Variants in PITPNM2 observed in about 807,000 individuals in gnomAD.
PITPNM2 encodes the protein membrane-associated phosphatidylinositol transfer protein 2.
Under a neutral mutation model 132.2 loss-of-function variants are expected in PITPNM2, and 35 were observed. The observed-to-expected ratio is 0.26, with a 90% confidence interval of 0.20 to 0.35. PITPNM2 has a LOEUF of 0.35. Ranked by LOEUF, PITPNM2 falls within the 10% of genes least tolerant of loss-of-function variation. PITPNM2 has a pLI of 1.00. For synonymous variants in PITPNM2, 738 were observed against 799.2 expected (o/e 0.92, Z 1.29); for missense variants, 1,332 against 1,912.0 (o/e 0.70, Z 5.66).
chr12:122,996,017 G>T (rs1437440615), intron 13 of PITPNM2, among the ~76,000 whole-genome samples: 2 of 152,178 alleles, frequency 1.3e-5, no homozygotes, highest in African/African-American at 4.8e-5. Flanking sequence ...CTGCTCCCCT[G>T]CCCCCATGTA....
intron 2 of PITPNM2, among the ~76,000 whole-genome samples, chr12:123,074,728 C>T (rs137934872): frequency 1.3e-5 from 2 of 152,304 alleles, no homozygotes; most frequent in East Asian, 1.9e-4. Flanking sequence ...GCTGGCGGCC[C>T]TCAGAAGCCC....
rs1258222968 is a variant in PITPNM2 at position 122,995,516 on chromosome 12, G to A, written c.1927C>T (p.Arg643Ter). 1.2e-6 allele frequency: 2 copies of A among 1,612,978 alleles called. No individual in the cohort carries two copies. The highest frequency in any genetic ancestry group is 1.7e-6 in the Non-Finnish European group (2 of 1,180,018). ...SSLESSRHLS[R>*]SNVDIPRSNG... Reference sequence around the variant, plus strand: ...CTGCGGGGGATGTCGACGTTGCTTCGGCTCAGGTGCCGACTGCTCTCCAGG... The same window carrying A: ...CTGCGGGGGATGTCGACGTTGCTTCAGCTCAGGTGCCGACTGCTCTCCAGG... The change falls in exon 14 of 26, where the codon CGA becomes TGA. Residue 643 changes from arginine (R) to a stop codon, truncating the protein, a stop_gained. Transcript: ENST00000320201. LOFTEE classifies it high-confidence loss of function.
chr12:123,104,681 AC>A (rs1475030771), intron 2 of PITPNM2, among the ~76,000 whole-genome samples: 1 of 150,488 alleles, frequency 6.6e-6, no homozygotes, highest in Non-Finnish European at 1.5e-5. Flanking sequence ...AAACAGCCCC[AC>A]CCCTATCTCC....
intron 2 of PITPNM2, among the ~76,000 whole-genome samples, chr12:123,059,932 C>T (rs1264894760): frequency 3.3e-5 from 5 of 152,072 alleles, no homozygotes; most frequent in African/African-American, 1.2e-4. Context: ...CTATATGCCA[C>T]CGAATTGTGC....
intron 1 of PITPNM2, among the ~76,000 whole-genome samples, chr12:123,123,950 A>T (rs930029358): frequency 7.3e-5 from 11 of 150,930 alleles, no homozygotes; most frequent in African/African-American, 2.7e-4. Context: ...AAAAAAAAAA[A>T]TTAAAATTTA....
rs2038328040 is a variant in PITPNM2, at chr12:122,994,386, C to T, written c.2233+415G>A. 6.6e-6 allele frequency among the ~76,000 whole-genome samples: 1 copy of T among 152,184 alleles called. No individual in the cohort carries two copies. Among genetic ancestry groups the T allele is most frequent in the African/African-American group, 2.4e-5 (1 of 41,436 alleles). On this transcript the variant is annotated intron_variant, in intron 15 of 25. Coordinates refer to ENST00000320201, the MANE Select transcript of PITPNM2 (RefSeq NM_020845.3). The surrounding 1 kb of genome is among the most constrained non-coding windows in gnomAD (Gnocchi z 5.4). ...CCTGCCCTGGGTAGACAGAGACGCA[C>T]AGCTGTGGCCCCTCCAGGGCTGGGA...
Position 122,996,498 on chromosome 12 carries a change from C to T in PITPNM2, c.1742G>A (p.Ser581Asn). Reference protein sequence around the residue: ...LCYSNQPVSESQSSSRRGSVV... With the variant: ...LCYSNQPVSENQSSSRRGSVV... ...GCTGCCCCGGCGGCTGCTGCTCTGA[C>T]TCTCAGACACCGGCTGGTTACTGTA... The change falls in exon 13 of 26, where the codon AGT becomes AAT. Residue 581 changes from serine (S) to asparagine (N), a missense_variant. Physicochemically the swap from Ser to Asn is conservative, Grantham distance 46. Transcript: ENST00000320201. 1 of 1,613,178 alleles carries T rather than the reference C, an allele frequency of 6.2e-7. No homozygotes were observed. Among genetic ancestry groups the T allele is most frequent in the South Asian group, 1.1e-5 (1 of 91,086 alleles).
Position 122,997,983 on chromosome 12 carries a change from C to T in PITPNM2, c.1225-411G>A, listed in dbSNP as rs1188284082. On this transcript the variant is annotated intron_variant, in intron 10 of 25. Transcript: ENST00000320201. ...GCAGAGAGGTTCAGCCTGTCTTGGCCTTGGGGGCTGCCTGCCCTGTGTGTG... is the reference window on the plus strand; with the variant it reads ...GCAGAGAGGTTCAGCCTGTCTTGGCTTTGGGGGCTGCCTGCCCTGTGTGTG... 2.0e-5 allele frequency among the ~76,000 whole-genome samples: 3 copies of T among 152,226 alleles called. No homozygotes were observed. In the East Asian group the frequency reaches 5.8e-4, roughly 29 times the overall value.
At chr12:123,084,483 T>C (rs557768041) in intron 2 of PITPNM2, 19 of 152,348 alleles carry the variant, frequency 1.2e-4, no homozygotes, top group African/African-American at 3.8e-4. Flanking sequence ...TGGGAGGAAC[T>C]GGAGCACCAG....
chr12:123,147,885 C>T (rs1300926401), intron 1 of PITPNM2, among the ~76,000 whole-genome samples: 2 of 152,188 alleles, frequency 1.3e-5, no homozygotes, highest in Non-Finnish European at 2.9e-5. Flanking sequence ...GGCCCAAGCA[C>T]ACTGCATGGT....
At chr12:123,081,032 C>T (rs1000837203) in intron 2 of PITPNM2, 11 of 152,212 alleles carry the variant, frequency 7.2e-5, no homozygotes, top group African/African-American at 2.4e-4. Flanking sequence ...CTTAAATAGT[C>T]ACACTAGACT....
At position 122,992,024 on chromosome 12, in the gene PITPNM2, G is replaced by C; in HGVS notation, c.2404+475C>G. ...GACGTGACAAGACGCTGGGACACAC[G>C]CTGGGGCAGGGGTCGGGCCAAGCCT... On this transcript the variant is annotated intron_variant, in intron 16 of 25. Coordinates refer to ENST00000320201, the MANE Select transcript of PITPNM2 (RefSeq NM_020845.3). This position sits in a 1 kb window ranked among gnomAD's most constrained non-coding sequence, Gnocchi z 6.5. 1 of 917,620 alleles carries C rather than the reference G, an allele frequency of 1.1e-6. No individual in the cohort carries two copies. Among genetic ancestry groups the C allele is most frequent in the Non-Finnish European group, 1.4e-6 (1 of 695,452 alleles). The allele number at this position is 917,620 out of a possible 1,614,324, so 56.8% of individuals were successfully genotyped here.
intron 1 of PITPNM2, among the ~76,000 whole-genome samples, chr12:123,129,019 C>T (rs2043206964): frequency 6.6e-6 from 1 of 152,112 alleles, no homozygotes; most frequent in Non-Finnish European, 1.5e-5. Flanking sequence ...CCTGTAATTA[C>T]AGCTACTCAG....
Position 122,997,401 on chromosome 12 carries a change from T to A in PITPNM2, c.1396A>T (p.Ser466Cys). The A allele has an allele frequency of 6.2e-7, 1 of 1,613,494 alleles. No homozygotes were observed. The highest frequency in any genetic ancestry group is 8.5e-7 in the Non-Finnish European group (1 of 1,179,988). The change falls in exon 11 of 26, where the codon AGC becomes TGC. Residue 466 changes from serine to cysteine, a missense_variant. Coordinates refer to ENST00000320201, the MANE Select transcript of PITPNM2 (RefSeq NM_020845.3). ...FDTVMRVHYP[S>C]ALGRLAIRLV... ...CGGATGGCAAGGCGGCCCAGGGCGCTGGGGTAGTGCACGCGCATGACGGTG... is the reference window on the plus strand; with the variant it reads ...CGGATGGCAAGGCGGCCCAGGGCGCAGGGGTAGTGCACGCGCATGACGGTG...
intron 3 of PITPNM2, among the ~76,000 whole-genome samples, 178 bp from the exon 4 acceptor site, chr12:123,014,220 G>C (rs953465373): frequency 2.6e-5 from 4 of 152,184 alleles, no homozygotes; most frequent in African/African-American, 9.7e-5. Flanking sequence ...TTGTGCAAGA[G>C]GCTGAAGGGG....
chr12:123,094,694 G>A (rs367650451), intron 2 of PITPNM2, among the ~76,000 whole-genome samples: 22 of 152,296 alleles, frequency 1.4e-4, no homozygotes, highest in African/African-American at 5.3e-4. Flanking sequence ...AGCCTTCTCC[G>A]AAACCAAGCA....
At position 122,992,429 on chromosome 12, in the gene PITPNM2, G is replaced by A; in HGVS notation, c.2404+70C>T. ...TGGGGAAGAACCACGTAGCATGGAG[G>A]ACCTAGGAGCCAGGGAGCCACGCTT... On this transcript the variant is annotated intron_variant, in intron 16 of 25. Coordinates refer to ENST00000320201, the MANE Select transcript of PITPNM2 (RefSeq NM_020845.3). The surrounding 1 kb of genome is among the most constrained non-coding windows in gnomAD (Gnocchi z 6.5). The A allele has an allele frequency of 6.6e-7, 1 of 1,516,544 alleles. No homozygotes were observed. The highest frequency in any genetic ancestry group is 8.9e-7 in the Non-Finnish European group (1 of 1,127,006). The allele number at this position is 1,516,544 out of a possible 1,614,324, so 93.9% of individuals were successfully genotyped here. A position where few individuals can be genotyped will look rare whatever the true frequency, so the allele number is the denominator to read the frequency against.
chr12:123,133,768 T>C (rs930467939), intron 1 of PITPNM2, among the ~76,000 whole-genome samples: 9 of 151,220 alleles, frequency 6.0e-5, no homozygotes, highest in Non-Finnish European at 1.3e-4. Context: ...CCGAAGGCAA[T>C]CTTAGCATCA....
At chr12:122,991,791 T>C in intron 16 of PITPNM2, 1 of 1,298,650 alleles carries the variant, frequency 7.7e-7, no homozygotes, top group South Asian at 3.1e-5. Flanking sequence ...TCTTGCCAGG[T>C]GGGCGCGGGA....
Sources: allele counts gnomAD v4.1 joint callset (sites outside exome capture counted in the v4.1 genomes callset), GRCh38; gene constraint gnomAD v4.1.1; non-coding constraint Gnocchi (gnomAD v3.1); transcripts MANE v1.5; gene names NCBI Gene and HGNC (gene_info 2026-07-23, HGNC 2026-07-21).